KCNJ10: variants seen among roughly 807,000 people sequenced by gnomAD.
The protein encoded by KCNJ10 is potassium inwardly rectifying channel subfamily J member 10, also known as ATP-sensitive inward rectifier potassium channel 10.
A neutral mutation model predicts 22.2 loss-of-function variants in KCNJ10; 9 were observed. That is an observed-to-expected ratio of 0.40 (90% CI 0.24 to 0.71). The LOEUF (loss-of-function observed/expected upper bound fraction) is 0.71, where lower values mean the gene tolerates loss of function less well. Ranked by LOEUF, KCNJ10 falls within the 30% of genes least tolerant of loss-of-function variation. The pLI is 0.35. For missense variants in KCNJ10, 337 were observed against 482.7 expected (o/e 0.70, Z 2.83); for synonymous variants, 184 against 187.3 (o/e 0.98, Z 0.15).
At chr1:160,051,964 C>A (rs1648915154) in intron 1 of KCNJ10, among the ~76,000 whole-genome samples, 1 of 152,140 alleles carries the variant, frequency 6.6e-6, no homozygotes, top group Non-Finnish European at 1.5e-5. Flanking sequence ...CTCCAGCTTC[C>A]TGTATCTCAT....
At chr1:160,068,661 T>C (rs982485376) in intron 1 of KCNJ10, among the ~76,000 whole-genome samples, 3 of 152,214 alleles carry the variant, frequency 2.0e-5, no homozygotes, top group African/African-American at 4.8e-5. Flanking sequence ...GCCTGGTTCC[T>C]TCCAAACTTG....
At chr1:160,047,750 C>T (rs928781475) in intron 1 of KCNJ10, among the ~76,000 whole-genome samples, 2 of 152,156 alleles carry the variant, frequency 1.3e-5, no homozygotes, top group Non-Finnish European at 2.9e-5. Context: ...TCACCCCCCG[C>T]CAGATGGGAT....
intron 1 of KCNJ10, among the ~76,000 whole-genome samples, chr1:160,064,353 T>C (rs1326516719): frequency 2.0e-5 from 3 of 152,234 alleles, no homozygotes; most frequent in African/African-American, 7.2e-5. Context: ...ACCTATGATA[T>C]TGCAACACAC....
chr1:160,057,766 C>G (rs1295853820), intron 1 of KCNJ10, among the ~76,000 whole-genome samples: 2 of 152,294 alleles, frequency 1.3e-5, no homozygotes, highest in East Asian at 3.9e-4. Flanking sequence ...AGTCCCAGGG[C>G]CAAGACAGGG....
At chr1:160,043,739 T>A (rs923850234) in intron 1 of KCNJ10, among the ~76,000 whole-genome samples, 1 of 152,230 alleles carries the variant, frequency 6.6e-6, no homozygotes, top group Non-Finnish European at 1.5e-5. Flanking sequence ...CAGGCTCAAA[T>A]TCAGTATTGC....
chr1:160,048,076 G>A (rs1173832151), intron 1 of KCNJ10, among the ~76,000 whole-genome samples: 2 of 152,192 alleles, frequency 1.3e-5, no homozygotes, highest in Non-Finnish European at 2.9e-5. Context: ...GCATTATAGT[G>A]CTTTGAGATG....
Position 160,039,886 on chromosome 1 carries a change from G to A in KCNJ10, c.*1507C>T, listed in dbSNP as rs1322549381. ...GACCAGAAAGCACTCTAGGGATTTG[G>A]GGCTTTGGATAAAGCTCTGGTGCCT... On this transcript the variant is annotated 3_prime_UTR_variant, in exon 2 of 2. Coordinates refer to ENST00000644903, the MANE Select transcript of KCNJ10 (RefSeq NM_002241.5). 1 of 152,182 alleles carries A rather than the reference G, an allele frequency of 6.6e-6. No homozygotes were observed. The highest frequency in any genetic ancestry group is 2.4e-5 in the African/African-American group (1 of 41,442). The allele number at this position is 152,182 out of a possible 1,614,324, so 9.4% of individuals were successfully genotyped here. A position where few individuals can be genotyped will look rare whatever the true frequency, so the allele number is the denominator to read the frequency against.
chr1:160,056,660 A>G (rs1350291632), intron 1 of KCNJ10, among the ~76,000 whole-genome samples: 2 of 152,112 alleles, frequency 1.3e-5, no homozygotes, highest in African/African-American at 4.8e-5. Context: ...TCCTCTAGAG[A>G]TTGTGAGCTC....
chr1:160,048,227 G>GGCCCCCCTGATGGCTGCAGTTTTTATCT (rs67364310), intron 1 of KCNJ10, among the ~76,000 whole-genome samples: 1 of 151,948 alleles, frequency 6.6e-6, no homozygotes, highest in African/African-American at 2.4e-5. Context: ...GACGGGCCAA[G>GGCCCCCCTGATGGCTGCAGTTTTTATCT]GCCTCACAGG....
chr1:160,062,261 G>C (rs903783192), intron 1 of KCNJ10, among the ~76,000 whole-genome samples: 11 of 152,314 alleles, frequency 7.2e-5, no homozygotes, highest in East Asian at 5.8e-4. Context: ...TGGGGCGAAG[G>C]GGGGGTGGTG....
intron 1 of KCNJ10, among the ~76,000 whole-genome samples, chr1:160,055,194 T>C (rs922456726): frequency 5.9e-5 from 9 of 152,182 alleles, no homozygotes; most frequent in Non-Finnish European, 8.8e-5. Flanking sequence ...ACAGTAAAAA[T>C]AACAGTAACA....
chr1:160,066,481 G>A (rs978228034), intron 1 of KCNJ10, among the ~76,000 whole-genome samples: 3 of 152,154 alleles, frequency 2.0e-5, no homozygotes, highest in South Asian at 2.1e-4. Flanking sequence ...CATTAGAGTG[G>A]TGGGAGAAAA....
intron 1 of KCNJ10, among the ~76,000 whole-genome samples, chr1:160,054,100 C>T (rs563598454): frequency 5.9e-5 from 9 of 152,298 alleles, no homozygotes; most frequent in Admixed American, 1.3e-4. Flanking sequence ...CCTGTTTCGC[C>T]GGCTGGAGAG....
rs1440235554 is a variant in KCNJ10 at position 160,042,513 on chromosome 1, A to G, written c.20T>C (p.Val7Ala). 2.5e-6 allele frequency: 4 copies of G among 1,613,950 alleles called. No individual in the cohort carries two copies. In the African/African-American group the frequency reaches 5.3e-5, roughly 22 times the overall value. The change falls in exon 2 of 2, where the codon GTG becomes GCG. Residue 7 changes from valine to alanine, a missense_variant. By Grantham distance (64) the Val-to-Ala change is moderately conservative. Coordinates refer to ENST00000644903, the MANE Select transcript of KCNJ10 (RefSeq NM_002241.5). ...TGTCTGAGTGGTCTGACTGTAATAC[A>G]CCTTGGCAACTGACGTCATCTGGAG... The part of the protein sequence containing the change: MTSVAK[V>A]YYSQTTQTES...
At chr1:160,058,706 C>A (rs1649107337) in intron 1 of KCNJ10, among the ~76,000 whole-genome samples, 1 of 152,164 alleles carries the variant, frequency 6.6e-6, no homozygotes, top group African/African-American at 2.4e-5. Flanking sequence ...GGAACAGAGT[C>A]CTTTATGACC....
At position 160,042,199 on chromosome 1, in the gene KCNJ10, C is replaced by A. The variant is rs1029810218; in HGVS notation, c.334G>T (p.Val112Leu). The A allele has an allele frequency of 1.2e-6, 2 of 1,612,168 alleles. No individual in the cohort carries two copies. The highest frequency in any genetic ancestry group is 1.1e-5 in the South Asian group (1 of 90,882). Residue 112 changes from valine to leucine, a missense_variant, in exon 2 of 2, where the codon GTG becomes TTG. By Grantham distance (32) the Val-to-Leu change is conservative. Around this residue, in one of 3 missense-constraint regions of KCNJ10, gnomAD observed 165 missense variants for 281.5 expected, o/e 0.59. Coordinates refer to ENST00000644903, the MANE Select transcript of KCNJ10 (RefSeq NM_002241.5). ...PANHTPCVVQ[V>L]HTLTGAFLFS... ...AGGAAGGCTCCAGTGAGTGTGTGCA[C>A]CTGTACCACACAGGGGGTGTGGTTG...
Position 160,056,101 on chromosome 1 carries a change from A to G in KCNJ10, c.1-13569T>C, listed in dbSNP as rs149804675. Among the ~76,000 whole-genome samples the G allele has an allele frequency of 5.5e-3, 831 of 152,104 alleles. 11 individuals are homozygous for G. Among genetic ancestry groups the G allele is most frequent in the African/African-American group, 0.018 (763 of 41,482 alleles). ...CCTCATCTGATTGGTAACTAGGTCC[A>G]TCATTTCTGCCTTCATGACTCCTCT... On this transcript the variant is annotated intron_variant, in intron 1 of 1. Coordinates refer to ENST00000644903, the MANE Select transcript of KCNJ10 (RefSeq NM_002241.5).
chr1:160,066,239 T>C (rs1649319901), intron 1 of KCNJ10, among the ~76,000 whole-genome samples: 1 of 152,124 alleles, frequency 6.6e-6, no homozygotes, highest in African/African-American at 2.4e-5. Context: ...GGCAAAAACT[T>C]GTGGAAAGCA....
intron 1 of KCNJ10, among the ~76,000 whole-genome samples, chr1:160,052,208 A>G (rs925809311): frequency 6.6e-6 from 1 of 152,238 alleles, no homozygotes; most frequent in African/African-American, 2.4e-5. Flanking sequence ...CTGGAAAATA[A>G]GAACAGTGCC....
Sources: allele counts gnomAD v4.1 joint callset (sites outside exome capture counted in the v4.1 genomes callset), GRCh38; gene constraint gnomAD v4.1.1; regional missense constraint gnomAD v4.1.1; transcripts MANE v1.5; gene names NCBI Gene and HGNC (gene_info 2026-07-23, HGNC 2026-07-21).